The following UNC5D variants were observed in gnomAD, a reference collection of about 807,000 sequenced individuals.
UNC5D encodes the protein netrin receptor UNC5D.
Under a neutral mutation model 105.4 loss-of-function variants are expected in UNC5D, and 39 were observed. The ratio of observed to expected loss-of-function variants is 0.37; its 90% CI spans 0.29 to 0.48. The LOEUF (loss-of-function observed/expected upper bound fraction) is 0.48. UNC5D is among the 20% of genes least tolerant of loss of function. The probability of loss-of-function intolerance (pLI) is 0.98; values close to 1 mark genes in which losing one functional copy is unlikely to be tolerated. For missense variants in UNC5D, 991 were observed against 1,202.4 expected, an observed-to-expected ratio of 0.82 and a Z score of 2.60; for synonymous variants, 452 against 450.4, an observed-to-expected ratio of 1.00 and a Z score of -0.04.
In UNC5D at chr8:35,692,025, G is replaced by C. The variant is rs1480708640; in HGVS notation, c.1084+5316G>C. Among the ~76,000 whole-genome samples the C allele has an allele frequency of 2.0e-5, 3 of 152,126 alleles. No homozygotes were observed. The East Asian group carries it at 5.8e-4, about 29-fold the overall frequency. ...GGGCCTGAAAGAGGAAGTCTCCAAG[G>C]CTTAGCTACCTGATAGCTAGTCCGT... On this transcript the variant is annotated intron_variant, in intron 7 of 16. Transcript: ENST00000404895.
intron 1 of UNC5D, among the ~76,000 whole-genome samples, chr8:35,461,223 G>C (rs1198519250): frequency 6.6e-6 from 1 of 152,122 alleles, no homozygotes; most frequent in African/African-American, 2.4e-5. Flanking sequence ...GTTAGGGAAC[G>C]GACATTTGAT....
At chr8:35,731,914 A>G (rs745945416) in intron 11 of UNC5D, among the ~76,000 whole-genome samples, 4 of 152,240 alleles carry the variant, frequency 2.6e-5, no homozygotes, top group Non-Finnish European at 4.4e-5. Flanking sequence ...ATTAAATTCA[A>G]TTACAGGAAC....
Position 35,400,546 on chromosome 8 carries a change from T to G in UNC5D, c.104-148746T>G, listed in dbSNP as rs966204907. Among the ~76,000 whole-genome samples the G allele has an allele frequency of 1.1e-4, 17 of 152,190 alleles. 1 individual carries two copies. The highest frequency in any genetic ancestry group is 1.1e-3 in the Admixed American group (17 of 15,278). ...CTAAAAACAGATGTAAACTTCATTT[T>G]TTTGGTTAATAAAACAAAACCCTGC... On this transcript the variant is annotated intron_variant, in intron 1 of 16. Transcript: ENST00000404895.
intron 8 of UNC5D, among the ~76,000 whole-genome samples, chr8:35,720,510 C>T (rs979065168): frequency 1.3e-5 from 2 of 152,228 alleles, no homozygotes; most frequent in Non-Finnish European, 2.9e-5. Flanking sequence ...CATGATGCAT[C>T]TGCTGTGTTC....
At chr8:35,265,774 G>T (rs1042663941) in intron 1 of UNC5D, among the ~76,000 whole-genome samples, 2 of 152,006 alleles carry the variant, frequency 1.3e-5, no homozygotes, top group African/African-American at 2.4e-5. Context: ...AGAGGCTGAG[G>T]CAGGAGAATG....
chr8:35,380,456 T>C (rs753604008), intron 1 of UNC5D, among the ~76,000 whole-genome samples: 1 of 152,164 alleles, frequency 6.6e-6, no homozygotes, highest in Non-Finnish European at 1.5e-5. Context: ...ATAAACATTA[T>C]GACACACGTA....
chr8:35,520,297 G>C (rs1016696157), intron 1 of UNC5D, among the ~76,000 whole-genome samples: 1 of 152,100 alleles, frequency 6.6e-6, no homozygotes, highest in African/African-American at 2.4e-5. Flanking sequence ...CTAAGTGAAA[G>C]AGGCCAGTCG....
At chr8:35,325,018 A>G (rs1004093859) in intron 1 of UNC5D, among the ~76,000 whole-genome samples, 1 of 152,190 alleles carries the variant, frequency 6.6e-6, no homozygotes, top group Non-Finnish European at 1.5e-5. Context: ...AAGTAGAAGC[A>G]ACCTTGTAAA....
intron 1 of UNC5D, among the ~76,000 whole-genome samples, chr8:35,286,295 A>G (rs897628121): frequency 3.9e-5 from 6 of 152,166 alleles, no homozygotes; most frequent in Admixed American, 6.5e-5. Context: ...ATCCACAGGC[A>G]AGAATACCAA....
intron 1 of UNC5D, among the ~76,000 whole-genome samples, chr8:35,378,435 G>T (rs1024174773): frequency 2.2e-4 from 33 of 152,116 alleles, no homozygotes; most frequent in African/African-American, 7.0e-4. Flanking sequence ...GGACACAAAG[G>T]GTGCTTCAAG....
At chr8:35,410,619 A>G (rs891470236) in intron 1 of UNC5D, among the ~76,000 whole-genome samples, 3 of 152,116 alleles carry the variant, frequency 2.0e-5, no homozygotes, top group Non-Finnish European at 2.9e-5. Context: ...ACCGTTTTTC[A>G]AAAGAAATCT....
At chr8:35,462,048 G>T (rs1032421462) in intron 1 of UNC5D, among the ~76,000 whole-genome samples, 1 of 152,036 alleles carries the variant, frequency 6.6e-6, no homozygotes, top group Non-Finnish European at 1.5e-5. Flanking sequence ...CTTAAAACTT[G>T]CTCTAGTGCT....
In UNC5D at chr8:35,346,371, G is replaced by A. The variant is rs186092220; in HGVS notation, c.103+110484G>A. On this transcript the variant is annotated intron_variant, in intron 1 of 16. Coordinates refer to ENST00000404895, the MANE Select transcript of UNC5D (RefSeq NM_080872.4). ...ATGTTTGAAGAGTCAATGTAAAAAC[G>A]TTGGTGATACATGGAACTTCAGAGT... 1.0e-3 allele frequency among the ~76,000 whole-genome samples: 158 copies of A among 152,092 alleles called. 1 individual carries two copies. Among genetic ancestry groups the A allele is most frequent in the African/African-American group, 8.7e-4 (36 of 41,544 alleles).
intron 1 of UNC5D, among the ~76,000 whole-genome samples, chr8:35,380,890 G>A (rs1554864): frequency 0.53 from 81,171 of 151,982 alleles, 22,480 homozygotes; most frequent in East Asian, 0.7. Context: ...TTTATTTGAC[G>A]TCACACCTGC....
intron 1 of UNC5D, among the ~76,000 whole-genome samples, chr8:35,331,407 G>C (rs1053004152): frequency 2.6e-5 from 4 of 152,102 alleles, no homozygotes; most frequent in Non-Finnish European, 5.9e-5. Context: ...ATGGTGGATT[G>C]CTCAAACCCA....
intron 1 of UNC5D, among the ~76,000 whole-genome samples, chr8:35,445,111 T>A (rs948425562): frequency 7.2e-5 from 11 of 152,080 alleles, no homozygotes; most frequent in Admixed American, 6.6e-4. Context: ...ATTCTGTTGG[T>A]ATCAGAGTGT....
intron 1 of UNC5D, among the ~76,000 whole-genome samples, chr8:35,377,766 A>G (rs943888334): frequency 6.6e-6 from 1 of 152,152 alleles, no homozygotes; most frequent in Non-Finnish European, 1.5e-5. Flanking sequence ...TTTCTGAAGG[A>G]TTTAGGCAAA....
chr8:35,237,262 G>A (rs190001215), intron 1 of UNC5D, among the ~76,000 whole-genome samples: 33 of 131,134 alleles, frequency 2.5e-4, no homozygotes, highest in Middle Eastern at 4.4e-3. Flanking sequence ...GTCGGTGATT[G>A]TACACCCTGG....
chr8:35,271,835 A>G (rs964562482), intron 1 of UNC5D, among the ~76,000 whole-genome samples: 2 of 151,730 alleles, frequency 1.3e-5, no homozygotes, highest in African/African-American at 4.8e-5. Flanking sequence ...GGCAGGGGAT[A>G]AGACAGACAA....
Sources: allele counts gnomAD v4.1 joint callset (sites outside exome capture counted in the v4.1 genomes callset), GRCh38; gene constraint gnomAD v4.1.1; transcripts MANE v1.5; gene names NCBI Gene and HGNC (gene_info 2026-07-23, HGNC 2026-07-21).